CAMTA1: variants seen among roughly 807,000 people sequenced by gnomAD.
CAMTA1 encodes the protein calmodulin-binding transcription activator 1.
A neutral mutation model predicts 170.9 loss-of-function variants in CAMTA1; 27 were observed. The observed-to-expected ratio is 0.16, with a 90% CI of 0.12 to 0.22. The LOEUF (loss-of-function observed/expected upper bound fraction) is 0.22. CAMTA1 is among the 10% of genes least tolerant of loss of function. The pLI is 1.00. For missense variants in CAMTA1, 1,619 were observed against 2,217.2 expected (o/e 0.73, Z 5.42); for synonymous variants, 833 against 891.5 (o/e 0.93, Z 1.17).
At chr1:7,460,641 T>C (rs562922357) in intron 5 of CAMTA1, among the ~76,000 whole-genome samples, 1 of 150,954 alleles carries the variant, frequency 6.6e-6, no homozygotes, top group African/African-American at 2.4e-5. Context: ...CACCTGCTCC[T>C]GTCCCCTCAT....
At chr1:7,308,329 T>G (rs1675910261) in intron 5 of CAMTA1, among the ~76,000 whole-genome samples, 1 of 151,990 alleles carries the variant, frequency 6.6e-6, no homozygotes, top group South Asian at 2.1e-4. Context: ...ATTTTCTCTA[T>G]TTTTTTCATT....
intron 5 of CAMTA1, among the ~76,000 whole-genome samples, chr1:7,419,910 C>T (rs969289652): frequency 1.3e-5 from 2 of 152,164 alleles, no homozygotes; most frequent in African/African-American, 4.8e-5. Context: ...CTCACCACCC[C>T]TGCAGTTTTG....
intron 11 of CAMTA1, among the ~76,000 whole-genome samples, chr1:7,708,140 G>A (rs2096541188): frequency 6.6e-6 from 1 of 152,072 alleles, no homozygotes; most frequent in African/African-American, 2.4e-5. Flanking sequence ...AGACCAGCCT[G>A]GGCAACATGG....
At chr1:7,587,221 T>G (rs1437144356) in intron 6 of CAMTA1, among the ~76,000 whole-genome samples, 3 of 152,074 alleles carry the variant, frequency 2.0e-5, no homozygotes, top group Non-Finnish European at 4.4e-5. Context: ...CATAGCCTAT[T>G]GGAGTTGAGC....
chr1:7,110,821 C>A (rs530663393), intron 4 of CAMTA1, among the ~76,000 whole-genome samples: 2 of 152,358 alleles, frequency 1.3e-5, no homozygotes, highest in South Asian at 4.1e-4. Flanking sequence ...CTCTGTGCGA[C>A]CTCGATTCCC....
At chr1:6,984,109 G>C (rs144923534) in intron 3 of CAMTA1, among the ~76,000 whole-genome samples, 1 of 150,150 alleles carries the variant, frequency 6.7e-6, no homozygotes, top group Non-Finnish European at 1.5e-5. Flanking sequence ...TGAATAGATG[G>C]GTTGGTAGAT....
At chr1:6,834,481 A>G (rs962925444) in intron 3 of CAMTA1, 12 of 249,386 alleles carry the variant, frequency 4.8e-5, no homozygotes, top group Non-Finnish European at 2.4e-5. Context: ...CACTCCAGTT[A>G]TACGTCCTCC....
At chr1:7,102,710 C>T (rs187240041) in intron 4 of CAMTA1, among the ~76,000 whole-genome samples, 30 of 152,284 alleles carry the variant, frequency 2.0e-4, no homozygotes, top group Admixed American at 1.2e-3. Flanking sequence ...GCCCTTCCAC[C>T]TCCAGTGTCA....
chr1:7,656,400 C>A (rs890006745), intron 7 of CAMTA1, among the ~76,000 whole-genome samples: 1 of 152,216 alleles, frequency 6.6e-6, no homozygotes, highest in African/African-American at 2.4e-5. Flanking sequence ...CTGGTGTCTC[C>A]TCCTCTACTT....
intron 16 of CAMTA1, among the ~76,000 whole-genome samples, chr1:7,741,963 A>G (rs757028046): frequency 2.0e-5 from 3 of 149,086 alleles, no homozygotes; most frequent in Non-Finnish European, 4.5e-5. Flanking sequence ...TTTTTTTTTA[A>G]ATAAAAGCAG....
chr1:6,969,814 A>C (rs1692216712), intron 3 of CAMTA1, among the ~76,000 whole-genome samples: 1 of 152,190 alleles, frequency 6.6e-6, no homozygotes, highest in South Asian at 2.1e-4. Flanking sequence ...AAATTTATTT[A>C]TTATTATTAC....
Position 7,697,315 on chromosome 1 carries a change from G to A in CAMTA1, c.2914+19582G>A, listed in dbSNP as rs551400933. ...TAAGTTTATTATCCAACTTCATCCC[G>A]GCCGTATTCCAGATCTTTCCATCCC... On this transcript the variant is annotated intron_variant, in intron 11 of 22. Transcript: ENST00000303635. 4.2e-4 allele frequency among the ~76,000 whole-genome samples: 64 copies of A among 152,216 alleles called. 2 individuals carry two copies. In the South Asian group the frequency reaches 9.5e-3, roughly 23 times the overall value.
chr1:7,348,066 G>T (rs1038981077), intron 5 of CAMTA1, among the ~76,000 whole-genome samples: 4 of 152,148 alleles, frequency 2.6e-5, no homozygotes, highest in Non-Finnish European at 5.9e-5. Flanking sequence ...GGCAGCTCTG[G>T]CGAGGGACTG....
At chr1:7,392,530 C>T (rs1339739936) in intron 5 of CAMTA1, among the ~76,000 whole-genome samples, 2 of 148,816 alleles carry the variant, frequency 1.3e-5, no homozygotes, top group Non-Finnish European at 3.0e-5. Context: ...GCTGGGATTA[C>T]AGGCATGAGC....
intron 6 of CAMTA1, among the ~76,000 whole-genome samples, chr1:7,628,506 G>T (rs2095648046): frequency 2.0e-5 from 3 of 152,234 alleles, no homozygotes; most frequent in African/African-American, 7.2e-5. Flanking sequence ...GAGCCACGTG[G>T]CCGTGAGCAG....
intron 5 of CAMTA1, among the ~76,000 whole-genome samples, chr1:7,276,303 A>ATATATATATATATATTTTTTTT: frequency 4.1e-5 from 1 of 24,230 alleles, no homozygotes; most frequent in African/African-American, 3.0e-4. Flanking sequence ...ATATATATAT[A>ATATATATATATATATTTTTTTT]TTTTTTTTTT....
At chr1:7,186,817 A>G (rs1653383069) in intron 4 of CAMTA1, among the ~76,000 whole-genome samples, 1 of 152,192 alleles carries the variant, frequency 6.6e-6, no homozygotes, top group Non-Finnish European at 1.5e-5. Flanking sequence ...GGGGAGAGAA[A>G]TATACACCAC....
rs1557966980 is a variant in CAMTA1, at chr1:7,010,917, C to T, written c.235-80387C>T. On this transcript the variant is annotated intron_variant, in intron 3 of 22. Transcript: ENST00000303635. This position sits in a 1 kb window ranked among gnomAD's most constrained non-coding sequence, Gnocchi z 4.4. ...TGCCCTAACCAGCAGCAGCTGAGCA[C>T]TGAGCCCTGGGAACACCTGTGCCCA... 6.6e-6 allele frequency among the ~76,000 whole-genome samples: 1 copy of T among 152,244 alleles called. No individual in the cohort carries two copies. The highest frequency in any genetic ancestry group is 1.5e-5 in the Non-Finnish European group (1 of 68,044).
In CAMTA1 at chr1:7,668,704, T is replaced by G. The variant is rs189132556; in HGVS notation, c.2653-2207T>G. On this transcript the variant is annotated intron_variant, in intron 9 of 22. Coordinates refer to ENST00000303635, the MANE Select transcript of CAMTA1 (RefSeq NM_015215.4). ...GGGAACCATCCCTTGAATGGATGGA[T>G]GCTGAGCTGTCCTGCGGCGGTTTCC... is the stretch of plus-strand genomic sequence containing the variant. Among the ~76,000 whole-genome samples, 3 of 152,358 alleles carry G rather than the reference T, an allele frequency of 2.0e-5. No homozygotes were observed. The East Asian group carries it at 5.8e-4, about 29-fold the overall frequency.
Sources: gnomAD v4.1 joint callset for allele counts (sites outside exome capture counted in the v4.1 genomes callset) on GRCh38, gnomAD v4.1.1 for gene constraint, Gnocchi (gnomAD v3.1) non-coding constraint, MANE v1.5 for transcripts, NCBI Gene and HGNC (gene_info 2026-07-23, HGNC 2026-07-21) for gene names.